Variants in CMTM1 observed in about 807,000 individuals in gnomAD.
The protein encoded by CMTM1 is CKLF-like MARVEL transmembrane domain-containing protein 1.
CMTM1 carries 16 observed loss-of-function variants against 17.8 expected under a neutral mutation model. That is an observed-to-expected ratio of 0.90 (90% CI 0.61 to 1.37). The LOEUF (loss-of-function observed/expected upper bound fraction) is 1.37. CMTM1 is among the 40% of genes most tolerant of loss of function. CMTM1 has a pLI of 0.00. For synonymous variants in CMTM1, 169 were observed against 154.6 expected, an observed-to-expected ratio of 1.09 and a Z score of -0.69; for missense variants, 354 against 375.6, an observed-to-expected ratio of 0.94 and a Z score of 0.47.
intron 1 of CMTM1, among the ~76,000 whole-genome samples, chr16:66,568,749 A>G (rs2013010087): frequency 6.6e-6 from 1 of 151,980 alleles, no homozygotes; most frequent in Non-Finnish European, 1.5e-5. Context: ...AGCCAGTCTT[A>G]GTGACACGCG....
At chr16:66,577,016 C>A in intron 2 of CMTM1, 88 bp from the exon 3 acceptor site, 1 of 1,188,958 alleles carries the variant, frequency 8.4e-7, no homozygotes, top group African/African-American at 1.5e-5. Context: ...TTAAAGGCAT[C>A]TATTCTTAGA....
chr16:66,567,123 C>G (rs1455458207), intron 1 of CMTM1, 178 bp downstream of exon 1: 1 of 673,236 alleles, frequency 1.5e-6, no homozygotes, highest in South Asian at 1.7e-5. Context: ...ACCTTTCCTA[C>G]TAAACTTGCC....
chr16:66,572,605 C>T (rs1051806339), intron 2 of CMTM1, among the ~76,000 whole-genome samples: 4 of 152,088 alleles, frequency 2.6e-5, no homozygotes, highest in African/African-American at 4.8e-5. Flanking sequence ...ACAGAACACA[C>T]GGTCAATTTC....
chr16:66,566,475 G>A lies in CMTM1; in HGVS notation c.-39G>A. The A allele has an allele frequency of 2.6e-6, 4 of 1,532,134 alleles. No homozygotes were observed. The highest frequency in any genetic ancestry group is 3.5e-6 in the Non-Finnish European group (4 of 1,143,862). The allele number at this position is 1,532,134 out of a possible 1,614,324, so 94.9% of individuals were successfully genotyped here. A position where few individuals can be genotyped will look rare whatever the true frequency, so the allele number is the denominator to read the frequency against. ...TCCCAGGGGAGAGCCAGCCGCTGCCGCGGCACTGGTTCAGACGGCCAGGCC... is the reference window on the plus strand; with the variant it reads ...TCCCAGGGGAGAGCCAGCCGCTGCCACGGCACTGGTTCAGACGGCCAGGCC... On this transcript the variant is annotated 5_prime_UTR_variant, in exon 1 of 4. Transcript: ENST00000379500. This position sits in a 1 kb window ranked among gnomAD's most constrained non-coding sequence, Gnocchi z 4.9.
At chr16:66,571,658 G>T (rs1025339248) in intron 2 of CMTM1, among the ~76,000 whole-genome samples, 5 of 152,132 alleles carry the variant, frequency 3.3e-5, no homozygotes, top group Non-Finnish European at 5.9e-5. Context: ...TTAAAATACA[G>T]CACCAAAGGT....
At chr16:66,569,594 CCTCA>C (rs1315911083) in intron 1 of CMTM1, among the ~76,000 whole-genome samples, 3 of 152,168 alleles carry the variant, frequency 2.0e-5, no homozygotes, top group Non-Finnish European at 4.4e-5. Context: ...TGAGGCTCTT[CCTCA>C]CTGTTTCTAC....
intron 1 of CMTM1, chr16:66,567,489 TC>T: frequency 5.2e-6 from 1 of 190,712 alleles, no homozygotes; most frequent in Admixed American, 5.4e-5. Flanking sequence ...CATGAACTCA[TC>T]CTTTTTTATG....
chr16:66,567,194 C>T, intron 1 of CMTM1: 1 of 581,330 alleles, frequency 1.7e-6, no homozygotes, highest in South Asian at 2.0e-5. Flanking sequence ...TTACGGGGTA[C>T]ATGTGTAGAA....
chr16:66,573,290 T>A (rs1329704097), intron 2 of CMTM1, among the ~76,000 whole-genome samples: 1 of 152,184 alleles, frequency 6.6e-6, no homozygotes, highest in African/African-American at 2.4e-5. Flanking sequence ...CCAGCATAAG[T>A]CTGCATCAAA....
chr16:66,571,843 T>C (rs1038059697), intron 2 of CMTM1, among the ~76,000 whole-genome samples: 3 of 152,120 alleles, frequency 2.0e-5, no homozygotes, highest in Non-Finnish European at 4.4e-5. Context: ...TGCTGTAGGG[T>C]TCAGTGGTAA....
chr16:66,573,934 ACCTCAG>A (rs1452894350), intron 2 of CMTM1, among the ~76,000 whole-genome samples: 1 of 150,590 alleles, frequency 6.6e-6, no homozygotes, highest in Non-Finnish European at 1.5e-5. Flanking sequence ...TGATCCACCC[ACCTCAG>A]CCTCCCAAAG....
intron 1 of CMTM1, among the ~76,000 whole-genome samples, chr16:66,568,442 T>G (rs901583478): frequency 1.3e-5 from 2 of 152,122 alleles, no homozygotes; most frequent in Non-Finnish European, 2.9e-5. Flanking sequence ...CCATTGACAT[T>G]GTAAAAATAA....
At chr16:66,573,684 T>C (rs1241177056) in intron 2 of CMTM1, among the ~76,000 whole-genome samples, 1 of 122,908 alleles carries the variant, frequency 8.1e-6, no homozygotes, top group Admixed American at 9.1e-5. Context: ...AACGTTTTTC[T>C]TTTTTTTTTT....
chr16:66,574,941 T>G, intron 2 of CMTM1: 1 of 985,300 alleles, frequency 1.0e-6, no homozygotes, highest in Non-Finnish European at 1.2e-6. Context: ...AATCCTCAGG[T>G]GTAAGCTTCC....
In CMTM1 at chr16:66,566,561, G is replaced by A. The variant is rs746802219; in HGVS notation, c.48G>A (p.Gly16=). 6.2e-7 allele frequency: 1 copy of A among 1,613,846 alleles called. No individual in the cohort carries two copies. Among genetic ancestry groups the A allele is most frequent in the South Asian group, 1.1e-5 (1 of 91,080 alleles). ...AKPESSEAPS[G]NLKQPETAAA... Reference sequence around the variant, plus strand: ...CTGAGTCATCCGAGGCACCTTCAGGGAACTTGAAACAACCGGAGACTGCCG... The same window carrying A: ...CTGAGTCATCCGAGGCACCTTCAGGAAACTTGAAACAACCGGAGACTGCCG... The change falls in exon 1 of 4, where the codon GGG becomes GGA. Residue 16 remains glycine, a synonymous_variant. Coordinates refer to ENST00000379500, the MANE Select transcript of CMTM1 (RefSeq NM_052999.4). This position sits in a 1 kb window ranked among gnomAD's most constrained non-coding sequence, Gnocchi z 4.9.
chr16:66,578,871 C>A lies in CMTM1; in HGVS notation c.731C>A (p.Ala244Glu), dbSNP rs1055987075. Reference protein sequence around the residue: ...LTAVIVCCIDAFVVTTKMRTN... With the variant: ...LTAVIVCCIDEFVVTTKMRTN... The stretch of plus-strand genomic sequence containing the variant: ...GCGGTAATCGTGTGTTGCATCGATG[C>A]GTTTGTGGTCACCACGAAGATGAGG... Residue 244 changes from alanine (A) to glutamate (E), a missense_variant, in exon 4 of 4, where the codon GCG (alanine) becomes GAG (glutamate). Physicochemically the swap from Ala to Glu is moderately radical, Grantham distance 107. Coordinates refer to ENST00000379500, the MANE Select transcript of CMTM1 (RefSeq NM_052999.4). 7 of 1,614,164 alleles carry A rather than the reference C, an allele frequency of 4.3e-6. No individual in the cohort carries two copies. Among genetic ancestry groups the A allele is most frequent in the Non-Finnish European group, 5.9e-6 (7 of 1,180,014 alleles).
chr16:66,578,476 C>A (rs2014537265), intron 3 of CMTM1, among the ~76,000 whole-genome samples: 1 of 152,158 alleles, frequency 6.6e-6, no homozygotes, highest in Non-Finnish European at 1.5e-5. Flanking sequence ...CTCCTTCCTG[C>A]CCTTTGCAAA....
chr16:66,568,381 G>T (rs1159135078), intron 1 of CMTM1, among the ~76,000 whole-genome samples: 1 of 152,126 alleles, frequency 6.6e-6, no homozygotes. Flanking sequence ...TTCAACATTT[G>T]TCCCTGATTG....
intron 2 of CMTM1, among the ~76,000 whole-genome samples, chr16:66,570,556 G>A (rs1303687553): frequency 6.6e-6 from 1 of 152,122 alleles, no homozygotes; most frequent in African/African-American, 2.4e-5. Context: ...GTGTGTTAGG[G>A]TCCATATCAC....
Sources: gnomAD v4.1 joint callset for allele counts (sites outside exome capture counted in the v4.1 genomes callset) on GRCh38, gnomAD v4.1.1 for gene constraint, Gnocchi (gnomAD v3.1) non-coding constraint, MANE v1.5 for transcripts, NCBI Gene and HGNC (gene_info 2026-07-23, HGNC 2026-07-21) for gene names.